Variants in ASTN2 observed in about 807,000 individuals in gnomAD.
The protein encoded by ASTN2 is astrotactin 2.
A neutral mutation model predicts 139.8 loss-of-function variants in ASTN2; 54 were observed. That is an observed-to-expected ratio of 0.39 (90% CI 0.31 to 0.48). The LOEUF is 0.48. Ranked by LOEUF, ASTN2 falls within the 20% of genes least tolerant of loss-of-function variation. The probability of loss-of-function intolerance (pLI) is 0.95; values close to 1 mark genes in which losing one functional copy is unlikely to be tolerated. For missense variants in ASTN2, 1,565 were observed against 1,725.1 expected (o/e 0.91, Z 1.64); for synonymous variants, 756 against 719.5 (o/e 1.05, Z -0.81).
chr9:116,818,126 G>C (rs1418613635), intron 12 of ASTN2, among the ~76,000 whole-genome samples: 1 of 152,092 alleles, frequency 6.6e-6, no homozygotes, highest in East Asian at 1.9e-4. Context: ...AATTGAATGA[G>C]CTAATGTACC....
intron 16 of ASTN2, chr9:116,686,788 A>G (rs747692895): frequency 6.6e-5 from 102 of 1,550,652 alleles, no homozygotes; most frequent in Middle Eastern, 3.3e-4. Flanking sequence ...ACATTCCTTT[A>G]CAGAGCAATG....
chr9:116,692,770 A>T (rs992463398), intron 16 of ASTN2, among the ~76,000 whole-genome samples: 1 of 152,122 alleles, frequency 6.6e-6, no homozygotes, highest in Non-Finnish European at 1.5e-5. Flanking sequence ...ACTTGAGATT[A>T]CTACCTTTTC....
chr9:117,102,272 G>A (rs931627359), intron 4 of ASTN2, among the ~76,000 whole-genome samples: 2 of 152,146 alleles, frequency 1.3e-5, no homozygotes, highest in African/African-American at 4.8e-5. Flanking sequence ...AAAGAAGCCA[G>A]ACATTAAAGG....
At chr9:117,186,548 A>G (rs910443404) in intron 3 of ASTN2, among the ~76,000 whole-genome samples, 2 of 151,816 alleles carry the variant, frequency 1.3e-5, no homozygotes, top group African/African-American at 4.8e-5. Context: ...CTCTGTCTCA[A>G]AAAAATAAAT....
intron 19 of ASTN2, chr9:116,585,673 T>G (rs575775556): frequency 2.6e-5 from 4 of 152,334 alleles, no homozygotes; most frequent in Admixed American, 2.0e-4. Flanking sequence ...TAACTCAAGA[T>G]GGATTAAAGA....
chr9:117,029,784 T>A (rs1838195099), intron 6 of ASTN2, among the ~76,000 whole-genome samples: 1 of 152,070 alleles, frequency 6.6e-6, no homozygotes, highest in Non-Finnish European at 1.5e-5. Context: ...ATCTTCCTTC[T>A]TCTAGCCAAG....
intron 19 of ASTN2, among the ~76,000 whole-genome samples, chr9:116,515,783 C>T (rs185963729): frequency 6.6e-6 from 1 of 152,260 alleles, no homozygotes; most frequent in Admixed American, 6.5e-5. Flanking sequence ...ACTGAGCAGA[C>T]ATCAGAAGTG....
intron 20 of ASTN2, among the ~76,000 whole-genome samples, chr9:116,446,285 A>AGAGAGAGAGAGAGG (rs1197331754): frequency 1.8e-3 from 274 of 150,128 alleles, no homozygotes; most frequent in Non-Finnish European, 3.5e-3. Flanking sequence ...AGAGAGAGAG[A>AGAGAGAGAGAGAGG]GAGAGAGAGA....
chr9:116,487,007 G>A (rs539299089), intron 20 of ASTN2, among the ~76,000 whole-genome samples: 1 of 152,134 alleles, frequency 6.6e-6, no homozygotes, highest in Non-Finnish European at 1.5e-5. Flanking sequence ...AAGGATACAA[G>A]AGGTAAAAGA....
intron 2 of ASTN2, among the ~76,000 whole-genome samples, chr9:117,276,128 A>G (rs990776007): frequency 2.0e-5 from 3 of 152,174 alleles, no homozygotes; most frequent in Non-Finnish European, 4.4e-5. Flanking sequence ...AACAGCTACA[A>G]TTTATTGAGA....
intron 13 of ASTN2, among the ~76,000 whole-genome samples, chr9:116,791,035 GA>G (rs1564269213): frequency 1.0e-5 from 1 of 98,066 alleles, no homozygotes; most frequent in Non-Finnish European, 2.2e-5. Context: ...AAGAAAGAAA[GA>G]AAGAAAGAAA....
At position 116,440,734 on chromosome 9, in the gene ASTN2, C is replaced by A; in HGVS notation, c.3657G>T (p.Gln1219His). The change falls in exon 22 of 23, where the codon CAG (glutamine) becomes CAT (histidine). Residue 1219 changes from glutamine to histidine, a missense_variant. This residue lies in a region of ASTN2 where 418 missense variants were observed against 465.8 expected (regional missense o/e 0.90). Coordinates refer to ENST00000313400, the MANE Select transcript of ASTN2 (RefSeq NM_001365068.1). Reference sequence around the variant, plus strand: ...CCTCCATCAGTGTGTTGTAGGCCATCTGCTGCTCCTTTCCACTTGTGTACC... The same window carrying A: ...CCTCCATCAGTGTGTTGTAGGCCATATGCTGCTCCTTTCCACTTGTGTACC... Reference protein sequence around the residue: ...YNGYTSGKEQQMAYNTLMEVS... With the variant: ...YNGYTSGKEQHMAYNTLMEVS... 1.2e-6 allele frequency: 2 copies of A among 1,614,226 alleles called. No individual in the cohort carries two copies. The highest frequency in any genetic ancestry group is 1.7e-6 in the Non-Finnish European group (2 of 1,180,036).
intron 16 of ASTN2, among the ~76,000 whole-genome samples, chr9:116,666,949 C>CTTTTTTTTTT (rs34835904): frequency 1.4e-5 from 1 of 70,358 alleles, no homozygotes; most frequent in Non-Finnish European, 2.5e-5. Context: ...TTTATTTATT[C>CTTTTTTTTTT]TTTTTTTTTT....
intron 16 of ASTN2, among the ~76,000 whole-genome samples, chr9:116,678,536 A>G (rs1386030995): frequency 6.6e-6 from 1 of 152,176 alleles, no homozygotes; most frequent in Non-Finnish European, 1.5e-5. Context: ...AAAGGAATGT[A>G]ATTTTGTCTA....
At chr9:117,150,961 A>G (rs1830314176) in intron 3 of ASTN2, among the ~76,000 whole-genome samples, 1 of 152,086 alleles carries the variant, frequency 6.6e-6, no homozygotes, top group South Asian at 2.1e-4. Flanking sequence ...TCAGCCTCCC[A>G]AAACACTGGG....
chr9:117,178,189 T>A (rs933290086), intron 3 of ASTN2, among the ~76,000 whole-genome samples: 1 of 152,184 alleles, frequency 6.6e-6, no homozygotes, highest in African/African-American at 2.4e-5. Flanking sequence ...CTTATCTCCA[T>A]CCTTCATGAA....
At chr9:117,304,759 C>T (rs752582418) in intron 1 of ASTN2, among the ~76,000 whole-genome samples, 12 of 152,172 alleles carry the variant, frequency 7.9e-5, no homozygotes, top group East Asian at 7.7e-4. Context: ...AGCCCCAGGC[C>T]GTCAGTGGAA....
intron 3 of ASTN2, among the ~76,000 whole-genome samples, chr9:117,171,175 A>AAAAGG: frequency 6.6e-6 from 1 of 152,084 alleles, no homozygotes. Context: ...AAAAGAAAAG[A>AAAAGG]AAAGAAAAAA....
chr9:117,301,998 A>AT (rs5900278), intron 1 of ASTN2, among the ~76,000 whole-genome samples: 144,556 of 151,536 alleles, frequency 0.95, 69,295 homozygotes, highest in East Asian at 1. Flanking sequence ...TAGCCTATGG[A>AT]ACTCCCTGTC....
Sources: gnomAD v4.1 joint callset for allele counts (sites outside exome capture counted in the v4.1 genomes callset) on GRCh38, gnomAD v4.1.1 for gene constraint, gnomAD v4.1.1 regional missense constraint, MANE v1.5 for transcripts, NCBI Gene and HGNC (gene_info 2026-07-23, HGNC 2026-07-21) for gene names.